Variants in TMEM217B observed in about 807,000 individuals in gnomAD.
The protein encoded by TMEM217B is transmembrane protein 217B, also known as putative transmembrane protein 217B.
the TMEM217B span, among the ~76,000 whole-genome samples, chr6:37,220,416 G>C: frequency 6.6e-6 from 1 of 152,138 alleles, no homozygotes; most frequent in Admixed American, 6.6e-5. Context: ...TACGATTAGG[G>C]GAAAGGTGAA....
At chr6:37,237,722 C>A in the TMEM217B span, among the ~76,000 whole-genome samples, 7 of 152,062 alleles carry the variant, frequency 4.6e-5, no homozygotes, top group African/African-American at 1.7e-4. Context: ...TAGCAACATA[C>A]AACAATATGG....
At chr6:37,229,368 T>A in the TMEM217B span, among the ~76,000 whole-genome samples, 1 of 87,650 alleles carries the variant, frequency 1.1e-5, no homozygotes, top group African/African-American at 4.6e-5. Context: ...TTTGAGACAG[T>A]GTCTCGCTCT....
chr6:37,256,993 AG>A, the TMEM217B span, among the ~76,000 whole-genome samples: 24 of 152,340 alleles, frequency 1.6e-4, no homozygotes, highest in Admixed American at 1.0e-3. Context: ...TAGATTAACA[AG>A]GGAAATTAAG....
At chr6:37,218,326 G>T in the TMEM217B span, 2 of 1,174,284 alleles carry the variant, frequency 1.7e-6, no homozygotes, top group Non-Finnish European at 2.3e-6. Context: ...GTGCCGCCAC[G>T]CCTGGCTAAT....
chr6:37,218,603 A>AG, the TMEM217B span: 1 of 1,614,240 alleles, frequency 6.2e-7, no homozygotes, highest in Non-Finnish European at 8.5e-7. Context: ...GACAAAGAAC[A>AG]TCCAGAAACA....
chr6:37,247,392 T>G, the TMEM217B span, among the ~76,000 whole-genome samples: 1 of 145,326 alleles, frequency 6.9e-6, no homozygotes, highest in African/African-American at 2.5e-5. Context: ...TTTTTTACTT[T>G]TTTTTTTTTT....
the TMEM217B span, among the ~76,000 whole-genome samples, chr6:37,249,466 C>T: frequency 2.6e-5 from 4 of 152,046 alleles, no homozygotes; most frequent in South Asian, 2.1e-4. Flanking sequence ...ACTATAGACA[C>T]GTGCCACCAT....
chr6:37,215,393 G>T, the TMEM217B span: 1 of 1,285,300 alleles, frequency 7.8e-7, no homozygotes, highest in Non-Finnish European at 1.0e-6. Context: ...TAGCCAACAT[G>T]GTGAAACCCC....
At chr6:37,219,978 GA>G in the TMEM217B span, among the ~76,000 whole-genome samples, 4 of 152,116 alleles carry the variant, frequency 2.6e-5, no homozygotes, top group Admixed American at 1.3e-4. Flanking sequence ...TACTTTAAAG[GA>G]AATTTAGAGC....
At chr6:37,232,579 C>A in the TMEM217B span, among the ~76,000 whole-genome samples, 1 of 84,702 alleles carries the variant, frequency 1.2e-5, no homozygotes, top group Admixed American at 1.3e-4. Flanking sequence ...GGAAATCCTA[C>A]TACCCTTCTC....
the TMEM217B span, among the ~76,000 whole-genome samples, chr6:37,240,609 A>G: frequency 6.6e-6 from 1 of 152,180 alleles, no homozygotes; most frequent in African/African-American, 2.4e-5. Flanking sequence ...GCAGGGGACT[A>G]TGGGGAGAGG....
At chr6:37,247,877 G>A in the TMEM217B span, among the ~76,000 whole-genome samples, 2 of 152,338 alleles carry the variant, frequency 1.3e-5, no homozygotes, top group South Asian at 4.1e-4. Flanking sequence ...AATATGCCAT[G>A]AGTGTGAACA....
At chr6:37,258,050 T>C in the TMEM217B span, 14 of 1,524,246 alleles carry the variant, frequency 9.2e-6, no homozygotes, top group Non-Finnish European at 1.2e-5. Context: ...CCCGCGGGCC[T>C]GGGGCGCCAC....
the TMEM217B span, among the ~76,000 whole-genome samples, chr6:37,227,019 A>G: frequency 6.6e-6 from 1 of 152,206 alleles, no homozygotes; most frequent in African/African-American, 2.4e-5. Context: ...AGTGTTAGAG[A>G]AGCTAATTAA....
At chr6:37,257,696 C>A in the TMEM217B span, 1 of 543,768 alleles carries the variant, frequency 1.8e-6, no homozygotes. Flanking sequence ...CTGCAGGATT[C>A]CGGCTCCCAA....
the TMEM217B span, chr6:37,218,099 G>C: frequency 1.9e-6 from 2 of 1,030,150 alleles, no homozygotes; most frequent in East Asian, 1.8e-4. Context: ...CTGGGAATCT[G>C]AGAGACCTAC....
the TMEM217B span, chr6:37,212,662 A>G: frequency 3.5e-6 from 2 of 572,484 alleles, no homozygotes; most frequent in Non-Finnish European, 6.6e-6. Context: ...GAGCAGGACT[A>G]TGGAGAAGTT....
the TMEM217B span, among the ~76,000 whole-genome samples, chr6:37,240,478 C>T: frequency 3.9e-5 from 6 of 152,120 alleles, no homozygotes; most frequent in Admixed American, 1.3e-4. Context: ...CACTGGCTTC[C>T]CCCAGAGTAA....
the TMEM217B span, among the ~76,000 whole-genome samples, chr6:37,214,478 C>T: frequency 2.0e-5 from 3 of 152,190 alleles, no homozygotes; most frequent in South Asian, 2.1e-4. Flanking sequence ...CTGCCCGCCT[C>T]GGCCTCCCAA....
Sources: gnomAD v4.1 joint callset for allele counts (sites outside exome capture counted in the v4.1 genomes callset) on GRCh38, gnomAD v4.1.1 for gene constraint, MANE v1.5 for transcripts, NCBI Gene and HGNC (gene_info 2026-07-23, HGNC 2026-07-21) for gene names.